The following CSGALNACT1 variants were observed in gnomAD, a reference collection of about 807,000 sequenced individuals.
CSGALNACT1 encodes the protein chondroitin sulfate N-acetylgalactosaminyltransferase 1.
In CSGALNACT1, 52 loss-of-function variants were observed where a neutral mutation model predicts 51.0. That is an observed-to-expected ratio of 1.02 (90% CI 0.82 to 1.29). CSGALNACT1 has a LOEUF of 1.29. Ranked by LOEUF, CSGALNACT1 falls within the 50% of genes most tolerant of loss-of-function variation. The pLI is 0.00. For missense variants in CSGALNACT1, 935 were observed against 679.2 expected (o/e 1.38, Z -4.19); for synonymous variants, 341 against 254.4 (o/e 1.34, Z -3.24).
At chr8:19,639,404 T>C (rs374700075) in intron 1 of CSGALNACT1, among the ~76,000 whole-genome samples, 1 of 152,204 alleles carries the variant, frequency 6.6e-6, no homozygotes, top group African/African-American at 2.4e-5. Context: ...GAATGGTTTT[T>C]ATTTTCTAAT....
intron 4 of CSGALNACT1, among the ~76,000 whole-genome samples, chr8:19,478,860 T>C (rs2070548221): frequency 6.6e-6 from 1 of 152,164 alleles, no homozygotes; most frequent in East Asian, 1.9e-4. Flanking sequence ...TCAAGAACTT[T>C]CCAGACCTCT....
chr8:19,517,638 T>C (rs560474860), intron 3 of CSGALNACT1, among the ~76,000 whole-genome samples: 8 of 152,170 alleles, frequency 5.3e-5, no homozygotes, highest in South Asian at 2.1e-4. Flanking sequence ...CTCACAATCA[T>C]GGCAGAAGGG....
chr8:19,549,660 T>TTC (rs1174834272), intron 3 of CSGALNACT1, among the ~76,000 whole-genome samples: 1 of 137,228 alleles, frequency 7.3e-6, no homozygotes, highest in African/African-American at 3.2e-5. Flanking sequence ...TTCCTACTTT[T>TTC]TTTTTTTTTT....
intron 4 of CSGALNACT1, among the ~76,000 whole-genome samples, chr8:19,484,017 C>A (rs531089477): frequency 6.6e-6 from 1 of 152,308 alleles, no homozygotes; most frequent in Non-Finnish European, 1.5e-5. Flanking sequence ...TGAATCATCA[C>A]TTTGTCCTGC....
intron 1 of CSGALNACT1, among the ~76,000 whole-genome samples, chr8:19,706,632 A>G (rs933701896): frequency 6.6e-6 from 1 of 152,168 alleles, no homozygotes; most frequent in Admixed American, 6.5e-5. Context: ...AAATGTTGGC[A>G]GTGGGATACC....
chr8:19,653,327 T>A (rs2057985925), intron 1 of CSGALNACT1, among the ~76,000 whole-genome samples: 1 of 152,054 alleles, frequency 6.6e-6, no homozygotes, highest in African/African-American at 2.4e-5. Context: ...GCAGCAATCC[T>A]CCCCTCTCTG....
intron 3 of CSGALNACT1, among the ~76,000 whole-genome samples, chr8:19,549,655 A>ATTT (rs2087430017): frequency 1.1e-5 from 1 of 89,336 alleles, no homozygotes; most frequent in South Asian, 3.4e-4. Flanking sequence ...CCAATTTCCT[A>ATTT]CTTTTTTTTT....
chr8:19,434,960 G>C (rs7822046), intron 6 of CSGALNACT1, among the ~76,000 whole-genome samples: 95,207 of 151,932 alleles, frequency 0.63, 30,852 homozygotes, highest in East Asian at 0.84. Context: ...CAAATCATTT[G>C]AAAGAGGTGT....
chr8:19,519,020 A>G (rs1424700126), intron 3 of CSGALNACT1, among the ~76,000 whole-genome samples: 2 of 152,332 alleles, frequency 1.3e-5, no homozygotes, highest in East Asian at 1.9e-4. Flanking sequence ...ACGATGAGAA[A>G]CAATATTTAC....
At chr8:19,477,486 T>C (rs985005252) in intron 4 of CSGALNACT1, among the ~76,000 whole-genome samples, 1 of 152,212 alleles carries the variant, frequency 6.6e-6, no homozygotes, top group Non-Finnish European at 1.5e-5. Context: ...CCTGATTAAG[T>C]ACCCACTGAT....
chr8:19,418,814 A>T (rs559067479), intron 7 of CSGALNACT1, 64 bp from the exon 7 acceptor site: 1 of 1,189,998 alleles, frequency 8.4e-7, no homozygotes, highest in East Asian at 2.4e-5. Context: ...TTGTTCCTTG[A>T]CATTTGGCCC....
chr8:19,644,862 T>A (rs926500075), intron 1 of CSGALNACT1, among the ~76,000 whole-genome samples: 1 of 151,972 alleles, frequency 6.6e-6, no homozygotes, highest in African/African-American at 2.4e-5. Flanking sequence ...TCATTCTAAA[T>A]ATTTTATGAA....
chr8:19,412,247 T>C (rs2055932919), intron 8 of CSGALNACT1, among the ~76,000 whole-genome samples: 1 of 152,202 alleles, frequency 6.6e-6, no homozygotes, highest in Non-Finnish European at 1.5e-5. Context: ...GGCATGAATG[T>C]ACCACAAAAG....
intron 1 of CSGALNACT1, among the ~76,000 whole-genome samples, chr8:19,642,679 G>C (rs538097065): frequency 6.6e-6 from 1 of 151,980 alleles, no homozygotes; most frequent in Non-Finnish European, 1.5e-5. Flanking sequence ...CCAGCTACTC[G>C]GGAGGCTGAG....
At chr8:19,539,719 AG>A (rs1327281950) in intron 3 of CSGALNACT1, among the ~76,000 whole-genome samples, 1 of 152,208 alleles carries the variant, frequency 6.6e-6, no homozygotes, top group Non-Finnish European at 1.5e-5. Context: ...TTTATCCTTG[AG>A]AAAAAAATGG....
intron 8 of CSGALNACT1, among the ~76,000 whole-genome samples, chr8:19,416,588 A>G (rs1339073650): frequency 6.6e-6 from 1 of 152,128 alleles, no homozygotes; most frequent in African/African-American, 2.4e-5. Context: ...AACCATTTTT[A>G]AAATCTTTTA....
chr8:19,556,969 T>C (rs1210812461), intron 3 of CSGALNACT1, among the ~76,000 whole-genome samples: 2 of 141,808 alleles, frequency 1.4e-5, no homozygotes, highest in Admixed American at 6.9e-5. Context: ...AGGATCATAC[T>C]CTCTGCCCAG....
intron 1 of CSGALNACT1, among the ~76,000 whole-genome samples, chr8:19,638,942 G>C (rs1439928883): frequency 6.6e-6 from 1 of 151,452 alleles, no homozygotes; most frequent in Non-Finnish European, 1.5e-5. Context: ...TACATAATTT[G>C]CAAAAGGCTT....
At chr8:19,659,392 T>C (rs1261817700) in intron 1 of CSGALNACT1, among the ~76,000 whole-genome samples, 1 of 152,198 alleles carries the variant, frequency 6.6e-6, no homozygotes, top group Non-Finnish European at 1.5e-5. Flanking sequence ...CTGTCCACAC[T>C]CTCTTTGCAT....
Sources: gnomAD v4.1 joint callset for allele counts (sites outside exome capture counted in the v4.1 genomes callset) on GRCh38, gnomAD v4.1.1 for gene constraint, MANE v1.5 for transcripts, NCBI Gene and HGNC (gene_info 2026-07-23, HGNC 2026-07-21) for gene names.